Variants in HECW1 observed in about 807,000 individuals in gnomAD.
HECW1 encodes the protein E3 ubiquitin-protein ligase HECW1.
A neutral mutation model predicts 182.3 loss-of-function variants in HECW1; 61 were observed. The observed-to-expected ratio is 0.33, with a 90% CI of 0.27 to 0.41. HECW1 has a LOEUF of 0.41. Among genes scored for constraint, HECW1 ranks in the 10% least tolerant of loss-of-function variants. The pLI is 1.00. For synonymous variants in HECW1, 859 were observed against 832.6 expected (o/e 1.03, Z -0.55); for missense variants, 1,739 against 2,108.9 (o/e 0.82, Z 3.44).
At chr7:43,252,222 C>A (rs532437157) in intron 3 of HECW1, among the ~76,000 whole-genome samples, 1 of 152,166 alleles carries the variant, frequency 6.6e-6, no homozygotes, top group Non-Finnish European at 1.5e-5. Context: ...TCCCCTGCTA[C>A]GTGGGTCTTT....
chr7:43,184,017 A>T (rs960338751), intron 2 of HECW1, among the ~76,000 whole-genome samples: 45 of 151,258 alleles, frequency 3.0e-4, no homozygotes, highest in Admixed American at 1.1e-3. Flanking sequence ...TATTATTATT[A>T]TTATTTTTTT....
intron 21 of HECW1, among the ~76,000 whole-genome samples, chr7:43,504,038 A>T (rs570741869): frequency 6.6e-6 from 1 of 151,882 alleles, no homozygotes; most frequent in South Asian, 2.1e-4. Flanking sequence ...TGCTTTTATC[A>T]CTCAGCCATA....
At chr7:43,272,881 G>A (rs961775212) in intron 3 of HECW1, among the ~76,000 whole-genome samples, 18 of 152,120 alleles carry the variant, frequency 1.2e-4, no homozygotes, top group African/African-American at 3.9e-4. Flanking sequence ...CATGATCATC[G>A]CTGCACTATT....
intron 5 of HECW1, among the ~76,000 whole-genome samples, chr7:43,357,323 T>C: frequency 6.6e-6 from 1 of 152,158 alleles, no homozygotes; most frequent in East Asian, 1.9e-4. Flanking sequence ...GGAATCAATC[T>C]AAGTACCCAT....
intron 4 of HECW1, among the ~76,000 whole-genome samples, chr7:43,315,925 T>C (rs960221758): frequency 6.6e-5 from 10 of 152,160 alleles, no homozygotes; most frequent in African/African-American, 1.7e-4. Context: ...TTCTGATGGG[T>C]GTAGGAGACC....
intron 2 of HECW1, among the ~76,000 whole-genome samples, chr7:43,225,244 CAAAG>C (rs1797322115): frequency 6.6e-6 from 1 of 152,108 alleles, no homozygotes; most frequent in South Asian, 2.1e-4. Context: ...GAGTTAAAAA[CAAAG>C]AAGGCTGGCG....
chr7:43,300,503 C>T (rs1584387667), intron 3 of HECW1, among the ~76,000 whole-genome samples: 1 of 152,036 alleles, frequency 6.6e-6, no homozygotes, highest in South Asian at 2.1e-4. Context: ...GTGGAAGGAG[C>T]GAGAGATTCC....
chr7:43,400,039 C>T (rs2075355171), intron 7 of HECW1, among the ~76,000 whole-genome samples: 1 of 151,936 alleles, frequency 6.6e-6, no homozygotes, highest in Non-Finnish European at 1.5e-5. Context: ...AGTTTGAGAC[C>T]ACCTGGGTAA....
chr7:43,498,959 G>T (rs980933134), intron 19 of HECW1, among the ~76,000 whole-genome samples: 11 of 152,092 alleles, frequency 7.2e-5, no homozygotes, highest in South Asian at 4.1e-4. Flanking sequence ...TGTACCTGCA[G>T]TATTTTGGAA....
chr7:43,474,183 C>T lies in HECW1; in HGVS notation c.3099+5078C>T, dbSNP rs190979077. On this transcript the variant is annotated intron_variant, in intron 16 of 29. Transcript: ENST00000395891. ...TCCTTAAATGGGCCAGGCGCGGTGG[C>T]TCACGCCTGTAATCCCAGCTCTTTG... 2.7e-3 allele frequency among the ~76,000 whole-genome samples: 414 copies of T among 152,318 alleles called. 2 individuals carry two copies. Among genetic ancestry groups the T allele is most frequent in the African/African-American group, 9.7e-3 (403 of 41,574 alleles).
intron 2 of HECW1, among the ~76,000 whole-genome samples, chr7:43,216,976 C>T (rs80033234): frequency 0.019 from 2,848 of 152,220 alleles, 86 homozygotes; most frequent in African/African-American, 0.052. Flanking sequence ...TTAAAGCATC[C>T]TTGCACCAGA....
chr7:43,285,745 A>G (rs1804560461), intron 3 of HECW1, among the ~76,000 whole-genome samples: 2 of 152,144 alleles, frequency 1.3e-5, no homozygotes, highest in African/African-American at 4.8e-5. Flanking sequence ...AGTGAGCCGT[A>G]ATTGCACTAC....
At chr7:43,275,398 T>C (rs868534708) in intron 3 of HECW1, among the ~76,000 whole-genome samples, 2 of 152,178 alleles carry the variant, frequency 1.3e-5, no homozygotes, top group African/African-American at 2.4e-5. Flanking sequence ...GAAGGAAATC[T>C]CTAATATAAT....
intron 3 of HECW1, among the ~76,000 whole-genome samples, chr7:43,299,698 A>G (rs1462032179): frequency 6.6e-6 from 1 of 152,216 alleles, no homozygotes; most frequent in African/African-American, 2.4e-5. Flanking sequence ...AAGAAATCAT[A>G]GTAGCTAAGT....
At chr7:43,539,445 G>C (rs1286593971) in intron 24 of HECW1, among the ~76,000 whole-genome samples, 1 of 152,220 alleles carries the variant, frequency 6.6e-6, no homozygotes, top group Non-Finnish European at 1.5e-5. Flanking sequence ...ACTTGGCACT[G>C]TGGTTATCGG....
intron 2 of HECW1, among the ~76,000 whole-genome samples, chr7:43,160,339 C>T (rs1020363328): frequency 6.6e-6 from 1 of 152,032 alleles, no homozygotes; most frequent in African/African-American, 2.4e-5. Flanking sequence ...TTGGTCAGAG[C>T]TCTCAATGCT....
chr7:43,513,919 CTG>C (rs2080003701), intron 24 of HECW1, among the ~76,000 whole-genome samples: 1 of 152,210 alleles, frequency 6.6e-6, no homozygotes, highest in Non-Finnish European at 1.5e-5. Context: ...CCCATGGACA[CTG>C]TGGTCACTCA....
intron 6 of HECW1, among the ~76,000 whole-genome samples, chr7:43,377,179 C>G (rs1380245031): frequency 6.6e-6 from 1 of 152,122 alleles, no homozygotes; most frequent in South Asian, 2.1e-4. Flanking sequence ...GAAGGCAGCC[C>G]AGGCCCATCT....
At chr7:43,465,643 C>A (rs1265317679) in intron 14 of HECW1, among the ~76,000 whole-genome samples, 1 of 152,192 alleles carries the variant, frequency 6.6e-6, no homozygotes, top group Non-Finnish European at 1.5e-5. Context: ...AGTCCCAATA[C>A]AACTGGGTGT....
Sources: allele counts gnomAD v4.1 joint callset (sites outside exome capture counted in the v4.1 genomes callset), GRCh38; gene constraint gnomAD v4.1.1; transcripts MANE v1.5; gene names NCBI Gene and HGNC (gene_info 2026-07-23, HGNC 2026-07-21).